Variants in MACROD2 observed in about 807,000 individuals in gnomAD.
MACROD2 encodes the protein ADP-ribose glycohydrolase MACROD2.
In MACROD2, 36 loss-of-function variants were observed where a neutral mutation model predicts 70.4. The observed-to-expected ratio is 0.51, with a 90% CI of 0.39 to 0.68. MACROD2 has a LOEUF of 0.68. MACROD2 is among the 30% of genes least tolerant of loss of function. The probability of loss-of-function intolerance (pLI) is 0.00; values close to 1 mark genes in which losing one functional copy is unlikely to be tolerated. For missense variants in MACROD2, 496 were observed against 538.4 expected (o/e 0.92, Z 0.78); for synonymous variants, 172 against 178.8 (o/e 0.96, Z 0.30).
intron 12 of MACROD2, among the ~76,000 whole-genome samples, chr20:15,949,393 G>T (rs1032044502): frequency 6.6e-6 from 1 of 152,146 alleles, no homozygotes; most frequent in Non-Finnish European, 1.5e-5. Flanking sequence ...GAAATCTATT[G>T]ATATGCTAAC....
At chr20:14,486,874 T>G (rs186093325) in intron 3 of MACROD2, among the ~76,000 whole-genome samples, 86 of 152,184 alleles carry the variant, frequency 5.7e-4, no homozygotes, top group African/African-American at 2.0e-3. Context: ...AAAACATAGA[T>G]AATATGCAAA....
intron 4 of MACROD2, among the ~76,000 whole-genome samples, chr20:14,553,550 T>C (rs1009160840): frequency 1.1e-4 from 16 of 152,110 alleles, no homozygotes; most frequent in African/African-American, 3.9e-4. Flanking sequence ...ACTATACTTT[T>C]GTATGACTGG....
intron 8 of MACROD2, among the ~76,000 whole-genome samples, chr20:15,549,867 T>C (rs1339539961): frequency 6.6e-6 from 1 of 151,724 alleles, no homozygotes; most frequent in East Asian, 1.9e-4. Flanking sequence ...CTTTTTTTTT[T>C]CAGCGCTATC....
rs554349742 is a variant in MACROD2 at position 14,734,828 on chromosome 20, A to C, written c.418+49869A>C. Among the ~76,000 whole-genome samples the C allele has an allele frequency of 2.6e-5, 4 of 152,300 alleles. No homozygotes were observed. In the East Asian group the frequency reaches 7.7e-4, roughly 29 times the overall value. ...AAATAGAATTTATCATCCAGAAATAAATCCATGCATCTATGGGCCACTGAT... is the reference window on the plus strand; with the variant it reads ...AAATAGAATTTATCATCCAGAAATACATCCATGCATCTATGGGCCACTGAT... On this transcript the variant is annotated intron_variant, in intron 5 of 17. Coordinates refer to ENST00000684519, the MANE Select transcript of MACROD2 (RefSeq NM_001351661.2).
intron 3 of MACROD2, among the ~76,000 whole-genome samples, chr20:14,184,387 T>A (rs182665311): frequency 7.9e-5 from 12 of 152,274 alleles, no homozygotes; most frequent in Non-Finnish European, 1.8e-4. Context: ...TTGGTCAATG[T>A]GTCTGTTTTT....
At chr20:14,837,465 G>GA (rs752325242) in intron 5 of MACROD2, among the ~76,000 whole-genome samples, 2 of 152,178 alleles carry the variant, frequency 1.3e-5, no homozygotes, top group South Asian at 2.1e-4. Flanking sequence ...ATTGGAGTAT[G>GA]AATGGATATG....
intron 3 of MACROD2, among the ~76,000 whole-genome samples, chr20:14,143,867 A>AT (rs1390428910): frequency 3.9e-5 from 6 of 152,168 alleles, no homozygotes; most frequent in Admixed American, 6.5e-5. Flanking sequence ...CAGTGTCATT[A>AT]TTTTTTTAAA....
intron 3 of MACROD2, among the ~76,000 whole-genome samples, chr20:14,471,475 A>C (rs2123047421): frequency 6.6e-6 from 1 of 152,224 alleles, no homozygotes; most frequent in South Asian, 2.1e-4. Context: ...TGTGAGGTTT[A>C]ATGGGCTTCA....
rs913045938 is a variant in MACROD2, at chr20:15,499,934, A to C, written c.645+87A>C. ...CCAAAAAAGCACATAAATTTTATAA[A>C]TATCAACTACACCTAGTCATTGAGC... On this transcript the variant is annotated intron_variant, in intron 8 of 17. Coordinates refer to ENST00000684519, the MANE Select transcript of MACROD2 (RefSeq NM_001351661.2). 3.1e-6 allele frequency: 4 copies of C among 1,270,456 alleles called. No homozygotes were observed. The Admixed American group carries it at 7.1e-5, about 23-fold the overall frequency. 78.7% of individuals were successfully genotyped at this position (1,270,456 alleles called of 1,614,324 possible).
intron 7 of MACROD2, among the ~76,000 whole-genome samples, chr20:15,449,677 C>G (rs1042563371): frequency 1.3e-5 from 2 of 152,068 alleles, no homozygotes; most frequent in Non-Finnish European, 2.9e-5. Context: ...CAGGTTTCTT[C>G]TAGTGATCTA....
chr20:15,162,900 C>G, intron 5 of MACROD2, among the ~76,000 whole-genome samples: 1 of 151,892 alleles, frequency 6.6e-6, no homozygotes, highest in East Asian at 1.9e-4. Flanking sequence ...AAGGAGAAAT[C>G]AAGTGTAAAT....
intron 3 of MACROD2, among the ~76,000 whole-genome samples, chr20:14,462,312 T>G (rs987688342): frequency 2.0e-5 from 3 of 152,110 alleles, no homozygotes; most frequent in African/African-American, 7.2e-5. Flanking sequence ...TCATGTGTTT[T>G]TTGGCTGCAT....
At chr20:14,823,200 A>T (rs114016231) in intron 5 of MACROD2, among the ~76,000 whole-genome samples, 3,593 of 152,156 alleles carry the variant, frequency 0.024, 151 homozygotes, top group African/African-American at 0.083. Context: ...TTCAGCAGCA[A>T]ACTTCTCCCT....
chr20:15,339,282 A>T (rs2078082026), intron 6 of MACROD2, among the ~76,000 whole-genome samples: 1 of 151,846 alleles, frequency 6.6e-6, no homozygotes, highest in Non-Finnish European at 1.5e-5. Flanking sequence ...GTGTATTCTG[A>T]TGTTCAGTTT....
intron 8 of MACROD2, among the ~76,000 whole-genome samples, chr20:15,808,169 A>C (rs928620978): frequency 2.6e-5 from 4 of 152,114 alleles, no homozygotes; most frequent in African/African-American, 9.7e-5. Context: ...TTGAGACAGG[A>C]GTCTTGCCGA....
chr20:15,627,897 G>A (rs182337919), intron 8 of MACROD2, among the ~76,000 whole-genome samples: 7 of 152,316 alleles, frequency 4.6e-5, no homozygotes, highest in Non-Finnish European at 1.0e-4. Context: ...ATGATTAAGG[G>A]AAAGGCAAGA....
At chr20:14,839,121 T>C (rs531231140) in intron 5 of MACROD2, among the ~76,000 whole-genome samples, 3 of 151,942 alleles carry the variant, frequency 2.0e-5, no homozygotes, top group Admixed American at 2.0e-4. Context: ...TTTTCCTCCA[T>C]GTGACTCCAA....
chr20:16,047,524 C>A (rs2067399203), intron 17 of MACROD2, among the ~76,000 whole-genome samples: 1 of 152,156 alleles, frequency 6.6e-6, no homozygotes, highest in South Asian at 2.1e-4. Flanking sequence ...CTTTAAGAGG[C>A]TTGTAACTTC....
At chr20:15,518,278 G>T (rs1460412030) in intron 8 of MACROD2, among the ~76,000 whole-genome samples, 2 of 152,254 alleles carry the variant, frequency 1.3e-5, no homozygotes, top group Non-Finnish European at 2.9e-5. Flanking sequence ...ACTGAGATCT[G>T]TAATGACAAA....
Sources: gnomAD v4.1 joint callset for allele counts (sites outside exome capture counted in the v4.1 genomes callset) on GRCh38, gnomAD v4.1.1 for gene constraint, MANE v1.5 for transcripts, NCBI Gene and HGNC (gene_info 2026-07-23, HGNC 2026-07-21) for gene names.